PRR33: variants seen among roughly 807,000 people sequenced by gnomAD.
PRR33 encodes proline rich 33.
PRR33 carries 1 observed loss-of-function variant against 0.5 expected under a neutral mutation model. The observed-to-expected ratio is 2.18, with a 90% CI of 0.77 to 10.34. The LOEUF (loss-of-function observed/expected upper bound fraction) is 10.34. Among genes scored for constraint, PRR33 ranks in the 30% most tolerant of loss-of-function variants. PRR33 has a pLI of 0.13. For missense variants in PRR33, 552 were observed against 251.8 expected, an observed-to-expected ratio of 2.19 and a Z score of -8.07; for synonymous variants, 226 against 110.0, an observed-to-expected ratio of 2.06 and a Z score of -6.60.
chr11:1,890,402 G>A (rs541168860), exon 1 of PRR33: 123 of 717,174 alleles, frequency 1.7e-4, no homozygotes, highest in South Asian at 2.5e-4. Context: ...AGGTGCGGAA[G>A]GCCCTGGGTG....
the PRR33 span, among the ~76,000 whole-genome samples, chr11:1,908,250 G>A: frequency 6.6e-6 from 1 of 152,088 alleles, no homozygotes; most frequent in Non-Finnish European, 1.5e-5. Context: ...AAATGTTCTT[G>A]GCCGTTCCTT....
At chr11:1,899,632 C>T in the PRR33 span, among the ~76,000 whole-genome samples, 1 of 152,164 alleles carries the variant, frequency 6.6e-6, no homozygotes, top group Admixed American at 6.5e-5. Flanking sequence ...CCACCTGCAA[C>T]ACCCTTGACC....
chr11:1,890,875 A>G, exon 1 of PRR33: 1 of 437,414 alleles, frequency 2.3e-6, no homozygotes, highest in Non-Finnish European at 4.1e-6. Context: ...CCTCCATGCC[A>G]CCCCAGCACA....
At chr11:1,904,464 G>A in the PRR33 span, among the ~76,000 whole-genome samples, 52,526 of 151,650 alleles carry the variant, frequency 0.35, 11,022 homozygotes, top group Non-Finnish European at 0.49. Flanking sequence ...GGTAGGCGGA[G>A]GTTGCAGTGA....
chr11:1,895,416 A>G (rs1259437612), upstream of PRR33, among the ~76,000 whole-genome samples: 1 of 152,200 alleles, frequency 6.6e-6, no homozygotes, highest in Non-Finnish European at 1.5e-5. Context: ...TACAGGCGTG[A>G]GCCACCGTGA....
the PRR33 span, chr11:1,902,995 C>T: frequency 3.3e-5 from 5 of 152,166 alleles, no homozygotes; most frequent in South Asian, 2.1e-4. Context: ...AGGTCACTCT[C>T]GTCACCATCT....
the PRR33 span, among the ~76,000 whole-genome samples, chr11:1,910,201 G>A: frequency 2.2e-4 from 34 of 152,196 alleles, no homozygotes; most frequent in South Asian, 2.3e-3. Context: ...TGCAAATGCC[G>A]GACTGAGGGA....
chr11:1,902,155 C>A, the PRR33 span, among the ~76,000 whole-genome samples: 1 of 152,010 alleles, frequency 6.6e-6, no homozygotes, highest in Admixed American at 6.5e-5. Context: ...TGGTCTGAAC[C>A]CGGGAGGCGG....
chr11:1,915,191 T>G, the PRR33 span, among the ~76,000 whole-genome samples: 1 of 141,392 alleles, frequency 7.1e-6, no homozygotes, highest in Non-Finnish European at 1.5e-5. Flanking sequence ...ACTGGGATGA[T>G]GTTTCTCTGT....
At chr11:1,911,571 C>T in the PRR33 span, among the ~76,000 whole-genome samples, 5 of 152,162 alleles carry the variant, frequency 3.3e-5, no homozygotes, top group African/African-American at 1.2e-4. Flanking sequence ...GCACCCACCA[C>T]CACGCCTGGC....
chr11:1,888,241 C>G (rs2133135747), exon 1 of PRR33, among the ~76,000 whole-genome samples: 1 of 152,328 alleles, frequency 6.6e-6, no homozygotes, highest in African/African-American at 2.4e-5. Flanking sequence ...CTCTGTGTCC[C>G]TCTCCTGTGG....
chr11:1,890,919 C>T (rs1047220037), exon 1 of PRR33: 4 of 281,720 alleles, frequency 1.4e-5, no homozygotes, highest in South Asian at 7.9e-5. Flanking sequence ...TGGGTCAGGC[C>T]GCAACACCGT....
the PRR33 span, among the ~76,000 whole-genome samples, chr11:1,905,433 CTTTTTTT>C: frequency 4.1e-5 from 4 of 97,882 alleles, no homozygotes; most frequent in African/African-American, 1.2e-4. Context: ...GGCCTTCTCT[CTTTTTTT>C]TTTTTTTTTT....
chr11:1,912,445 G>T, the PRR33 span, among the ~76,000 whole-genome samples: 1 of 152,220 alleles, frequency 6.6e-6, no homozygotes, highest in African/African-American at 2.4e-5. Context: ...TTGTCATAAA[G>T]TTGTTTATGG....
At chr11:1,915,020 T>G in the PRR33 span, among the ~76,000 whole-genome samples, 9 of 149,728 alleles carry the variant, frequency 6.0e-5, no homozygotes, top group African/African-American at 2.2e-4. Flanking sequence ...GTGTGTGTGT[T>G]GTGGGGACAC....
exon 1 of PRR33, chr11:1,889,605 C>T: frequency 1.6e-6 from 1 of 615,948 alleles, no homozygotes; most frequent in Admixed American, 2.9e-5. Flanking sequence ...GGGGACAGGG[C>T]ATGGGTGAGG....
At chr11:1,899,794 T>A in the PRR33 span, among the ~76,000 whole-genome samples, 2 of 152,176 alleles carry the variant, frequency 1.3e-5, no homozygotes, top group Non-Finnish European at 2.9e-5. Flanking sequence ...TTTCTAATAA[T>A]CTTTTAGCTA....
the PRR33 span, among the ~76,000 whole-genome samples, chr11:1,904,124 C>CG: frequency 6.6e-6 from 1 of 152,224 alleles, no homozygotes; most frequent in African/African-American, 2.4e-5. Context: ...CCCAGCTGCT[C>CG]TGAGAGAGCA....
At chr11:1,917,660 G>A in the PRR33 span, among the ~76,000 whole-genome samples, 2 of 152,240 alleles carry the variant, frequency 1.3e-5, no homozygotes, top group Admixed American at 6.5e-5. Flanking sequence ...CCTCGAGGCC[G>A]CTGGTGCCTG....
Sources: allele counts gnomAD v4.1 joint callset (sites outside exome capture counted in the v4.1 genomes callset), GRCh38; gene constraint gnomAD v4.1.1; transcripts MANE v1.5; gene names NCBI Gene and HGNC (gene_info 2026-07-23, HGNC 2026-07-21).